Variants in PHF2 observed in about 807,000 individuals in gnomAD.
PHF2 encodes the protein lysine-specific demethylase PHF2.
In PHF2, 27 loss-of-function variants were observed where a neutral mutation model predicts 120.5. The ratio of observed to expected loss-of-function variants is 0.22; its 90% CI spans 0.17 to 0.31. The LOEUF is 0.31. Ranked by LOEUF, PHF2 falls within the 10% of genes least tolerant of loss-of-function variation. The probability of loss-of-function intolerance (pLI) is 1.00; values close to 1 mark genes in which losing one functional copy is unlikely to be tolerated. For missense variants in PHF2, 1,024 were observed against 1,434.8 expected (o/e 0.71, Z 4.63); for synonymous variants, 568 against 592.5 (o/e 0.96, Z 0.60).
intron 5 of PHF2, among the ~76,000 whole-genome samples, chr9:93,650,092 A>G (rs1826339975): frequency 6.6e-6 from 1 of 151,548 alleles, no homozygotes; most frequent in South Asian, 2.1e-4. Context: ...ACATTCATAG[A>G]CACGACACAC....
chr9:93,592,951 C>G (rs1434493385), intron 1 of PHF2, among the ~76,000 whole-genome samples: 2 of 152,044 alleles, frequency 1.3e-5, no homozygotes. Context: ...AATCCAGGCC[C>G]CAGGCCCTGC....
chr9:93,584,047 C>T (rs772403847), intron 1 of PHF2, among the ~76,000 whole-genome samples: 2 of 152,048 alleles, frequency 1.3e-5, no homozygotes, highest in Non-Finnish European at 1.5e-5. Context: ...AGGCTGGTCT[C>T]GAACTCTCGA....
intron 11 of PHF2, among the ~76,000 whole-genome samples, chr9:93,659,984 C>T (rs1471634354): frequency 6.6e-6 from 1 of 152,138 alleles, no homozygotes; most frequent in East Asian, 1.9e-4. Context: ...GCAAGTGACT[C>T]ATGGCATGTC....
In PHF2 at chr9:93,636,426, C is replaced by T. The variant is rs144940280; in HGVS notation, c.200C>T (p.Thr67Ile). Residue 67 changes from threonine (T) to isoleucine (I), a missense_variant, in exon 3 of 22, where the codon ACC becomes ATC. This residue lies in a region of PHF2 where 347 missense variants were observed against 577.4 expected (regional missense o/e 0.60). Transcript: ENST00000359246. Reference sequence around the variant, plus strand: ...TCCTCCACAGTAAAGAAGAAGCGGACCTGGCACAAACACGGCCCGGGGCAA... The same window carrying T: ...TCCTCCACAGTAAAGAAGAAGCGGATCTGGCACAAACACGGCCCGGGGCAA... ...HGKSTLKKKRTWHKHGPGQAP... is the reference protein window; with the variant it reads ...HGKSTLKKKRIWHKHGPGQAP... 5 of 1,607,932 alleles carry T rather than the reference C, an allele frequency of 3.1e-6. No individual in the cohort carries two copies. In the African/African-American group the frequency reaches 5.3e-5, roughly 17 times the overall value.
intron 1 of PHF2, among the ~76,000 whole-genome samples, chr9:93,599,588 C>T (rs1319132428): frequency 6.6e-6 from 1 of 152,252 alleles, no homozygotes; most frequent in Non-Finnish European, 1.5e-5. Flanking sequence ...AAACCAGGAA[C>T]AAATGCCGGT....
intron 1 of PHF2, among the ~76,000 whole-genome samples, chr9:93,589,795 G>A (rs572995400): frequency 4.0e-4 from 61 of 152,274 alleles, no homozygotes; most frequent in Non-Finnish European, 6.9e-4. Flanking sequence ...TCTCTGGAGC[G>A]GACTCCCAGC....
chr9:93,578,539 A>G (rs1429411489), intron 1 of PHF2, among the ~76,000 whole-genome samples: 2 of 152,210 alleles, frequency 1.3e-5, no homozygotes, highest in African/African-American at 4.8e-5. Flanking sequence ...TCACTCTGCT[A>G]CAGAACCTTC....
At chr9:93,612,285 A>G (rs1184744176) in intron 1 of PHF2, among the ~76,000 whole-genome samples, 2 of 151,912 alleles carry the variant, frequency 1.3e-5, no homozygotes. Context: ...GTCTGTGTCT[A>G]AAATACCAAC....
chr9:93,600,814 A>G (rs1168414614), intron 1 of PHF2, among the ~76,000 whole-genome samples: 1 of 152,166 alleles, frequency 6.6e-6, no homozygotes, highest in African/African-American at 2.4e-5. Flanking sequence ...CTCTCATTCA[A>G]AGTCTAACCA....
intron 12 of PHF2, among the ~76,000 whole-genome samples, chr9:93,661,063 C>G (rs548033704): frequency 6.6e-6 from 1 of 152,256 alleles, no homozygotes; most frequent in South Asian, 2.1e-4. Context: ...GCAGAAACAA[C>G]AGGGAGAATG....
chr9:93,666,606 T>C (rs1263010171), intron 16 of PHF2, among the ~76,000 whole-genome samples: 2 of 152,216 alleles, frequency 1.3e-5, no homozygotes, highest in Non-Finnish European at 2.9e-5. Flanking sequence ...ACCCCAGCAA[T>C]GTTCATTAGA....
rs1564405035 is a variant in PHF2 at position 93,674,943 on chromosome 9, G to A, written c.2643G>A (p.Glu881=). The A allele has an allele frequency of 6.2e-7, 1 of 1,613,752 alleles. No individual in the cohort carries two copies. The highest frequency in any genetic ancestry group is 8.5e-7 in the Non-Finnish European group (1 of 1,179,852). The part of the protein sequence containing the change: ...KDSDYVYPSL[E]SDEDNPIFKS... ...TCCCTCTAGTTTACCCCTCACTGGA[G>A]TCAGATGAAGACAACCCCATCTTTA... Residue 881 remains glutamate, a synonymous_variant, in exon 19 of 22, where the codon GAG becomes GAA. Transcript: ENST00000359246.
In PHF2 at chr9:93,677,858, A is replaced by C; in HGVS notation, c.*182A>C. The stretch of plus-strand genomic sequence containing the variant: ...AGAGCGAGCCCAGCGTGGCCCCTCA[A>C]TTTGAAAATGGACGTCTTTTCTCAA... On this transcript the variant is annotated 3_prime_UTR_variant, in exon 22 of 22. Transcript: ENST00000359246. This position sits in a 1 kb window ranked among gnomAD's most constrained non-coding sequence, Gnocchi z 4.4. 1 of 585,334 alleles carries C rather than the reference A, an allele frequency of 1.7e-6. No individual in the cohort carries two copies. The highest frequency in any genetic ancestry group is 2.9e-5 in the East Asian group (1 of 34,604). The allele number at this position is 585,334 out of a possible 1,614,324, so 36.3% of individuals were successfully genotyped here. A position where few individuals can be genotyped will look rare whatever the true frequency, so the allele number is the denominator to read the frequency against.
At chr9:93,665,370 G>C (rs1826656307) in intron 14 of PHF2, among the ~76,000 whole-genome samples, 1 of 152,216 alleles carries the variant, frequency 6.6e-6, no homozygotes, top group South Asian at 2.1e-4. Context: ...CCTGAATGTG[G>C]TGTGTGGGGA....
At chr9:93,619,679 C>T (rs1433067814) in intron 1 of PHF2, among the ~76,000 whole-genome samples, 17 of 152,144 alleles carry the variant, frequency 1.1e-4, no homozygotes, top group East Asian at 9.6e-4. Flanking sequence ...CCCCGTGGCC[C>T]GTGCTCTATG....
intron 1 of PHF2, among the ~76,000 whole-genome samples, chr9:93,588,345 T>G (rs1323162058): frequency 3.3e-5 from 5 of 152,168 alleles, no homozygotes; most frequent in Non-Finnish European, 7.4e-5. Flanking sequence ...CAGCTCCAGG[T>G]GAGCTCTGGA....
At chr9:93,602,180 C>G (rs2994366) in intron 1 of PHF2, among the ~76,000 whole-genome samples, 123,687 of 150,422 alleles carry the variant, frequency 0.82, 51,332 homozygotes, top group East Asian at 0.94. Flanking sequence ...TATGTAAATT[C>G]TTCGTTGAGT....
intron 1 of PHF2, among the ~76,000 whole-genome samples, chr9:93,628,123 C>T (rs1564386932): frequency 3.3e-5 from 5 of 152,138 alleles, no homozygotes; most frequent in Non-Finnish European, 4.4e-5. Flanking sequence ...CATGGTGCAC[C>T]GTCCCCTTAA....
intron 1 of PHF2, among the ~76,000 whole-genome samples, chr9:93,581,829 C>T (rs1384833174): frequency 6.6e-6 from 1 of 152,110 alleles, no homozygotes; most frequent in Admixed American, 6.5e-5. Context: ...CCTGTAGTGC[C>T]TCGACATGTG....
Sources: allele counts gnomAD v4.1 joint callset (sites outside exome capture counted in the v4.1 genomes callset), GRCh38; gene constraint gnomAD v4.1.1; regional missense constraint gnomAD v4.1.1; non-coding constraint Gnocchi (gnomAD v3.1); transcripts MANE v1.5; gene names NCBI Gene and HGNC (gene_info 2026-07-23, HGNC 2026-07-21).